DDX60: variants seen among roughly 807,000 people sequenced by gnomAD.
The protein encoded by DDX60 is probable ATP-dependent RNA helicase DDX60.
Under a neutral mutation model 212.8 loss-of-function variants are expected in DDX60, and 165 were observed. The observed-to-expected ratio is 0.78, with a 90% CI of 0.68 to 0.88. DDX60 has a LOEUF of 0.88. DDX60 is among the 40% of genes least tolerant of loss of function. DDX60 has a pLI of 0.00. For synonymous variants in DDX60, 703 were observed against 685.3 expected (o/e 1.03, Z -0.40); for missense variants, 1,905 against 2,003.9 (o/e 0.95, Z 0.94).
chr4:168,238,093 C>T (rs12502198), intron 30 of DDX60, among the ~76,000 whole-genome samples: 8,869 of 151,792 alleles, frequency 0.058, 446 homozygotes, highest in East Asian at 0.15. Flanking sequence ...GATATATTAT[C>T]CCATGTTCTG....
chr4:168,244,686 C>T (rs1733962650), intron 30 of DDX60, among the ~76,000 whole-genome samples: 2 of 151,964 alleles, frequency 1.3e-5, no homozygotes, highest in African/African-American at 4.8e-5. Flanking sequence ...GATCATGCCA[C>T]CGCACTCCAG....
intron 6 of DDX60, among the ~76,000 whole-genome samples, chr4:168,298,990 G>A (rs544287751): frequency 5.3e-5 from 8 of 151,764 alleles, no homozygotes; most frequent in South Asian, 4.2e-4. Flanking sequence ...GTGAAATCCC[G>A]TCTCTACTAA....
intron 10 of DDX60, among the ~76,000 whole-genome samples, chr4:168,286,644 A>G (rs1274149193): frequency 6.6e-6 from 1 of 151,872 alleles, no homozygotes; most frequent in Admixed American, 6.6e-5. Flanking sequence ...AGAGGTGGAG[A>G]GCCCATGTGG....
intron 37 of DDX60, among the ~76,000 whole-genome samples, chr4:168,219,059 T>C (rs1176727096): frequency 6.6e-6 from 1 of 151,878 alleles, no homozygotes; most frequent in East Asian, 1.9e-4. Context: ...GGCGGGTGGA[T>C]TGCCTGAGCT....
intron 33 of DDX60, among the ~76,000 whole-genome samples, 186 bp from the exon 34 acceptor site, chr4:168,225,862 T>G (rs191473833): frequency 1.3e-5 from 2 of 152,128 alleles, no homozygotes; most frequent in Non-Finnish European, 2.9e-5. Flanking sequence ...TTTGTTTCTA[T>G]TTGCAATTAT....
At chr4:168,272,694 C>T (rs555213867) in intron 18 of DDX60, among the ~76,000 whole-genome samples, 2 of 152,180 alleles carry the variant, frequency 1.3e-5, no homozygotes, top group Non-Finnish European at 2.9e-5. Context: ...GGAGGCAGAA[C>T]TGGGGGAGCT....
At chr4:168,310,820 A>C (rs1737096825) in intron 3 of DDX60, among the ~76,000 whole-genome samples, 178 bp downstream of exon 3, 1 of 152,174 alleles carries the variant, frequency 6.6e-6, no homozygotes, top group Non-Finnish European at 1.5e-5. Flanking sequence ...ATATATAAAA[A>C]TTAATTAACA....
At chr4:168,303,128 C>T (rs2149546883) in intron 5 of DDX60, among the ~76,000 whole-genome samples, 1 of 151,898 alleles carries the variant, frequency 6.6e-6, no homozygotes, top group East Asian at 1.9e-4. Context: ...CGGTGAAACC[C>T]CATCTCTACT....
At chr4:168,234,193 A>G (rs958463887) in intron 33 of DDX60, among the ~76,000 whole-genome samples, 4 of 152,074 alleles carry the variant, frequency 2.6e-5, no homozygotes, top group Admixed American at 2.0e-4. Context: ...ATGTTTTTCT[A>G]CATTTATCCT....
chr4:168,311,095 G>C lies in DDX60; in HGVS notation c.5-28C>G, dbSNP rs202153424. 5 of 1,465,994 alleles carry C rather than the reference G, an allele frequency of 3.4e-6. No homozygotes were observed. The East Asian group carries it at 9.3e-5, about 27-fold the overall frequency. The allele number at this position is 1,465,994 out of a possible 1,614,324, so 90.8% of individuals were successfully genotyped here. On this transcript the variant is annotated intron_variant, in intron 2 of 37. Coordinates refer to ENST00000393743, the MANE Select transcript of DDX60 (RefSeq NM_017631.6). The stretch of plus-strand genomic sequence containing the variant: ...AAATTTAAAAAAAAAGAGAGAAAGA[G>C]AATGGGTTATTTTTCAATTGGTCCT...
intron 1 of DDX60, 40 bp from the exon 2 acceptor site, chr4:168,311,405 A>T (rs1737128795): frequency 2.6e-6 from 2 of 770,816 alleles, no homozygotes; most frequent in Admixed American, 2.7e-5. Context: ...TATTCAACAA[A>T]CATGTATTGA....
Position 168,283,640 on chromosome 4 carries a change from T to C in DDX60, c.1562-34A>G, listed in dbSNP as rs1248223772. ...GAAAAGACTTAAAATGTAACTTTAT[T>C]GTAGTTTTTCAATAGCATTCTCATC... On this transcript the variant is annotated intron_variant, in intron 12 of 37. Coordinates refer to ENST00000393743, the MANE Select transcript of DDX60 (RefSeq NM_017631.6). 4.6e-6 allele frequency: 7 copies of C among 1,532,048 alleles called. No homozygotes were observed. The South Asian group carries it at 6.2e-5, about 13-fold the overall frequency. 94.9% of individuals were successfully genotyped at this position (1,532,048 alleles called of 1,614,324 possible). A position where few individuals can be genotyped will look rare whatever the true frequency, so the allele number is the denominator to read the frequency against.
intron 33 of DDX60, among the ~76,000 whole-genome samples, chr4:168,225,970 C>T (rs1578968743): frequency 6.6e-6 from 1 of 152,120 alleles, no homozygotes; most frequent in South Asian, 2.1e-4. Flanking sequence ...TAACATTAGA[C>T]TTGTGAAAAT....
chr4:168,310,009 C>G (rs1737059583), intron 3 of DDX60, among the ~76,000 whole-genome samples: 1 of 152,140 alleles, frequency 6.6e-6, no homozygotes, highest in South Asian at 2.1e-4. Context: ...CTGCCAGTCT[C>G]TCAGATGTAC....
Position 168,250,990 on chromosome 4 carries a change from T to C in DDX60, c.3822A>G (p.Gln1274=). 6.2e-7 allele frequency: 1 copy of C among 1,606,620 alleles called. No individual in the cohort carries two copies. Among genetic ancestry groups the C allele is most frequent in the Non-Finnish European group, 8.5e-7 (1 of 1,176,716 alleles). The change falls in exon 28 of 38, where the codon CAA becomes CAG. Residue 1274 remains glutamine, a synonymous_variant. Transcript: ENST00000393743. ...HHSAMSFKEK[Q]LVEILFRKGY... The stretch of plus-strand genomic sequence containing the variant: ...CTTTTCTAAAGAGGATTTCAACTAA[T>C]TGTTTTTCTTTGAAACTCATAGCAC...
At chr4:168,286,942 A>G in intron 10 of DDX60, 106 bp downstream of exon 10, 1 of 789,248 alleles carries the variant, frequency 1.3e-6, no homozygotes, top group African/African-American at 1.8e-5. Flanking sequence ...ATTAAAATTC[A>G]AGTGCCAGAA....
Position 168,225,683 on chromosome 4 carries a change from G to A in DDX60, c.4534-7C>T. 1 of 1,607,008 alleles carries A rather than the reference G, an allele frequency of 6.2e-7. No homozygotes were observed. Among genetic ancestry groups the A allele is most frequent in the Non-Finnish European group, 8.5e-7 (1 of 1,177,702 alleles). The stretch of plus-strand genomic sequence containing the variant: ...GGAGATCATCAAGGAACACCTAGAA[G>A]CCGAATAATTTTCATAGAGATAGAT... On this transcript the variant is annotated splice_polypyrimidine_tract_variant and splice_region_variant and intron_variant, in intron 33 of 37. Coordinates refer to ENST00000393743, the MANE Select transcript of DDX60 (RefSeq NM_017631.6).
At chr4:168,293,704 T>C in intron 7 of DDX60, 83 bp downstream of exon 7, 2 of 1,201,984 alleles carry the variant, frequency 1.7e-6, no homozygotes, top group Non-Finnish European at 2.3e-6. Flanking sequence ...AAGTACCAAA[T>C]AGAGGAAATG....
At chr4:168,245,608 G>C (rs1733993659) in intron 30 of DDX60, among the ~76,000 whole-genome samples, 1 of 152,162 alleles carries the variant, frequency 6.6e-6, no homozygotes, top group South Asian at 2.1e-4. Context: ...TGTAGGATCA[G>C]CCAACTCATC....
Sources: gnomAD v4.1 joint callset for allele counts (sites outside exome capture counted in the v4.1 genomes callset) on GRCh38, gnomAD v4.1.1 for gene constraint, MANE v1.5 for transcripts, NCBI Gene and HGNC (gene_info 2026-07-23, HGNC 2026-07-21) for gene names.